ERN1: variants seen among roughly 807,000 people sequenced by gnomAD.
ERN1 encodes the protein serine/threonine-protein kinase/endoribonuclease IRE1.
A neutral mutation model predicts 113.1 loss-of-function variants in ERN1; 39 were observed. The ratio of observed to expected loss-of-function variants is 0.34; its 90% CI spans 0.27 to 0.45. The LOEUF (loss-of-function observed/expected upper bound fraction) is 0.45. ERN1 is among the 20% of genes least tolerant of loss of function. The pLI is 1.00. For missense variants in ERN1, 976 were observed against 1,274.8 expected, an observed-to-expected ratio of 0.77 and a Z score of 3.57; for synonymous variants, 507 against 515.9, an observed-to-expected ratio of 0.98 and a Z score of 0.23.
intron 6 of ERN1, among the ~76,000 whole-genome samples, chr17:64,071,374 C>A (rs759145448): frequency 6.6e-6 from 1 of 152,026 alleles, no homozygotes; most frequent in Non-Finnish European, 1.5e-5. Flanking sequence ...AAAAACAACA[C>A]TGCTATTCTG....
chr17:64,072,182 C>A, intron 5 of ERN1, 79 bp from the exon 6 acceptor site: 1 of 1,509,286 alleles, frequency 6.6e-7, no homozygotes, highest in East Asian at 2.3e-5. Context: ...CCAAGATGCT[C>A]TGTATTGAGA....
At chr17:64,098,469 T>C (rs777164049) in intron 1 of ERN1, 2 of 716,258 alleles carry the variant, frequency 2.8e-6, no homozygotes, top group Non-Finnish European at 5.2e-6. Context: ...TGACCTAACA[T>C]TACAAGGACA....
chr17:64,129,426 G>A (rs1253080822), intron 1 of ERN1: 1 of 168,156 alleles, frequency 5.9e-6, no homozygotes, highest in African/African-American at 2.4e-5. Context: ...AGTGGCAGAA[G>A]CCAGCTCTCG....
In ERN1 at chr17:64,065,186, C is replaced by T. The variant is rs193249901; in HGVS notation, c.921+23G>A. 2.8e-4 allele frequency: 441 copies of T among 1,564,468 alleles called. 1 individual carries two copies. In the African/African-American group the frequency reaches 4.7e-3, roughly 17 times the overall value. Reference sequence around the variant, plus strand: ...TGGAACAGAAGTGGTTAGGCAGCTGCGAGCCCTCCGTAGTGGACTTACCAC... The same window carrying T: ...TGGAACAGAAGTGGTTAGGCAGCTGTGAGCCCTCCGTAGTGGACTTACCAC... On this transcript the variant is annotated intron_variant, in intron 9 of 21. Coordinates refer to ENST00000433197, the MANE Select transcript of ERN1 (RefSeq NM_001433.5).
chr17:64,045,251 T>C (rs2143313551), intron 20 of ERN1, 108 bp downstream of exon 20: 2 of 1,287,532 alleles, frequency 1.6e-6, no homozygotes, highest in East Asian at 4.8e-5. Context: ...ACCTGACAGG[T>C]GGGATGTGGG....
rs567374172 is a variant in ERN1, at chr17:64,077,079, C to T, written c.283-1832G>A. Among the ~76,000 whole-genome samples, 7 of 152,328 alleles carry T rather than the reference C, an allele frequency of 4.6e-5. No homozygotes were observed. In the South Asian group the frequency reaches 1.2e-3, roughly 27 times the overall value. ...AAACAAATTGCTTAAGAAATGGGGACTACAGAGCTGTGGAGAGAAACCAAC... is the reference window on the plus strand; with the variant it reads ...AAACAAATTGCTTAAGAAATGGGGATTACAGAGCTGTGGAGAGAAACCAAC... On this transcript the variant is annotated intron_variant, in intron 4 of 21. Coordinates refer to ENST00000433197, the MANE Select transcript of ERN1 (RefSeq NM_001433.5).
At chr17:64,087,503 C>T (rs949383846) in intron 2 of ERN1, among the ~76,000 whole-genome samples, 1 of 152,118 alleles carries the variant, frequency 6.6e-6, no homozygotes, top group South Asian at 2.1e-4. Flanking sequence ...TCAGGAAGTC[C>T]CCAAACCAGT....
intron 7 of ERN1, 123 bp downstream of exon 7, chr17:64,068,067 T>C (rs1913290663): frequency 4.4e-6 from 3 of 684,216 alleles, no homozygotes; most frequent in South Asian, 3.7e-5. Flanking sequence ...GAAAAGTCCA[T>C]GGAAAGAAAG....
At chr17:64,109,811 T>C (rs183829774) in intron 1 of ERN1, among the ~76,000 whole-genome samples, 1 of 152,278 alleles carries the variant, frequency 6.6e-6, no homozygotes, top group Admixed American at 6.5e-5. Flanking sequence ...TCTAGCCCTT[T>C]TGCCCACTAT....
chr17:64,129,872 G>T, intron 1 of ERN1, 104 bp downstream of exon 1: 2 of 1,122,096 alleles, frequency 1.8e-6, no homozygotes, highest in Admixed American at 4.2e-5. Flanking sequence ...GGCCGCCGCC[G>T]TCGCGCTCCC....
chr17:64,056,645 C>G (rs574029537), intron 12 of ERN1, among the ~76,000 whole-genome samples: 1 of 152,308 alleles, frequency 6.6e-6, no homozygotes, highest in Admixed American at 6.5e-5. Context: ...TACCCATGTG[C>G]AGGAGGTGGA....
intron 17 of ERN1, among the ~76,000 whole-genome samples, chr17:64,052,269 A>G (rs1389172540): frequency 6.6e-6 from 1 of 152,238 alleles, no homozygotes; most frequent in Admixed American, 6.5e-5. Flanking sequence ...AATTTTAAAA[A>G]TAATGAAAAC....
In ERN1 at chr17:64,049,074, G is replaced by A. The variant is rs1209314048; in HGVS notation, c.2382C>T (p.Cys794=). 1 of 1,597,608 alleles carries A rather than the reference G, an allele frequency of 6.3e-7. No homozygotes were observed. The highest frequency in any genetic ancestry group is 8.6e-7 in the Non-Finnish European group (1 of 1,167,432). ...GCTCACCGTGCTTCTCTGGGTGCAA[G>A]CAGTCAAGGCTGCAGGCACCCAGGA... is the stretch of plus-strand genomic sequence containing the variant. ...NILLGACSLD[C]LHPEKHEDVI... Residue 794 remains cysteine (C), a synonymous_variant, in exon 18 of 22, where the codon TGC becomes TGT. Coordinates refer to ENST00000433197, the MANE Select transcript of ERN1 (RefSeq NM_001433.5). The surrounding 1 kb of genome is among the most constrained non-coding windows in gnomAD (Gnocchi z 4.7).
Position 64,130,014 on chromosome 17 carries a change from G to T in ERN1, c.16C>A (p.Leu6Met). Reference sequence around the variant, plus strand: ...AGCAGCAGCGTCAGCAGCAGCAGCAGCCGCCGGGCCGGCATGGCGAGGACT... The same window carrying T: ...AGCAGCAGCGTCAGCAGCAGCAGCATCCGCCGGGCCGGCATGGCGAGGACT... MPARR[L>M]LLLLTLLLPG... The change falls in exon 1 of 22, where the codon CTG becomes ATG. Residue 6 changes from leucine to methionine, a missense_variant. Coordinates refer to ENST00000433197, the MANE Select transcript of ERN1 (RefSeq NM_001433.5). The surrounding 1 kb of genome is among the most constrained non-coding windows in gnomAD (Gnocchi z 4.0). The T allele has an allele frequency of 7.0e-7, 1 of 1,435,388 alleles. No individual in the cohort carries two copies. The highest frequency in any genetic ancestry group is 9.1e-7 in the Non-Finnish European group (1 of 1,100,476). 88.9% of individuals were successfully genotyped at this position (1,435,388 alleles called of 1,614,324 possible). A position where few individuals can be genotyped will look rare whatever the true frequency, so the allele number is the denominator to read the frequency against.
chr17:64,077,730 G>A (rs1368498183), intron 4 of ERN1, among the ~76,000 whole-genome samples: 1 of 151,022 alleles, frequency 6.6e-6, no homozygotes, highest in African/African-American at 2.4e-5. Flanking sequence ...GTCCATTGGT[G>A]AACAAAAGTG....
At chr17:64,077,738 G>C (rs1040282627) in intron 4 of ERN1, among the ~76,000 whole-genome samples, 21 of 149,856 alleles carry the variant, frequency 1.4e-4, no homozygotes, top group African/African-American at 5.2e-4. Context: ...GTGAACAAAA[G>C]TGCATTTCTT....
chr17:64,060,668 G>A lies in ERN1; in HGVS notation c.1088-81C>T, dbSNP rs536871680. ...TCAATGCTAAACTTAGGCAACAGGT[G>A]CTACCCACTGAGGGGTCCACAATGC... On this transcript the variant is annotated intron_variant, in intron 10 of 21. Transcript: ENST00000433197. The A allele has an allele frequency of 2.3e-5, 22 of 977,118 alleles. No homozygotes were observed. The African/African-American group carries it at 3.0e-4, about 13-fold the overall frequency. 60.5% of individuals were successfully genotyped at this position (977,118 alleles called of 1,614,324 possible). A position where few individuals can be genotyped will look rare whatever the true frequency, so the allele number is the denominator to read the frequency against.
intron 1 of ERN1, among the ~76,000 whole-genome samples, chr17:64,103,514 A>AATG (rs1914442661): frequency 6.6e-6 from 1 of 150,432 alleles, no homozygotes; most frequent in South Asian, 2.1e-4. Context: ...AAAAAAAAAA[A>AATG]GCAATGTTAC....
At chr17:64,088,342 A>G (rs575336678) in intron 2 of ERN1, among the ~76,000 whole-genome samples, 1 of 152,256 alleles carries the variant, frequency 6.6e-6, no homozygotes, top group African/African-American at 2.4e-5. Context: ...CTTCTGCACA[A>G]CTAAGATATT....
Sources: allele counts gnomAD v4.1 joint callset (sites outside exome capture counted in the v4.1 genomes callset), GRCh38; gene constraint gnomAD v4.1.1; non-coding constraint Gnocchi (gnomAD v3.1); transcripts MANE v1.5; gene names NCBI Gene and HGNC (gene_info 2026-07-23, HGNC 2026-07-21).